The following WIPI2 variants were observed in gnomAD, a reference collection of about 807,000 sequenced individuals.
WIPI2 encodes WD repeat domain phosphoinositide-interacting protein 2.
Under a neutral mutation model 52.3 loss-of-function variants are expected in WIPI2, and 28 were observed. The ratio of observed to expected loss-of-function variants is 0.54; its 90% CI spans 0.40 to 0.73. The LOEUF is 0.73. Among genes scored for constraint, WIPI2 ranks in the 30% least tolerant of loss-of-function variants. The pLI, the probability that WIPI2 is intolerant of heterozygous loss-of-function variation, is 0.00. For missense variants in WIPI2, 506 were observed against 602.9 expected (o/e 0.84, Z 1.68); for synonymous variants, 268 against 245.0 (o/e 1.09, Z -0.88).
At position 5,231,354 on chromosome 7, in the gene WIPI2, G is replaced by C. The variant is rs545989670; in HGVS notation, c.*407G>C. 6.3e-6 allele frequency: 1 copy of C among 158,864 alleles called. No individual in the cohort carries two copies. Among genetic ancestry groups the C allele is most frequent in the African/African-American group, 2.4e-5 (1 of 41,546 alleles). The allele number at this position is 158,864 out of a possible 1,614,324, so 9.8% of individuals were successfully genotyped here. On this transcript the variant is annotated 3_prime_UTR_variant, in exon 13 of 13. Coordinates refer to ENST00000288828, the MANE Select transcript of WIPI2 (RefSeq NM_015610.4). Reference sequence around the variant, plus strand: ...GAGTGCGTAAGGAAACCGTGGCGTCGCGCACAGTGGGTCTGCTTGTCAAGG... The same window carrying C: ...GAGTGCGTAAGGAAACCGTGGCGTCCCGCACAGTGGGTCTGCTTGTCAAGG...
intron 1 of WIPI2, among the ~76,000 whole-genome samples, chr7:5,191,274 A>T (rs1781471243): frequency 6.6e-6 from 1 of 152,098 alleles, no homozygotes; most frequent in Non-Finnish European, 1.5e-5. Flanking sequence ...CGCCCACCTC[A>T]GCCTCCCAAA....
chr7:5,216,594 A>G lies in WIPI2; in HGVS notation c.413A>G (p.Tyr138Cys). 6.2e-7 allele frequency: 1 copy of G among 1,614,222 alleles called. No individual in the cohort carries two copies. Among genetic ancestry groups the G allele is most frequent in the Non-Finnish European group, 8.5e-7 (1 of 1,180,040 alleles). The change falls in exon 5 of 13, where the codon TAC becomes TGC. Residue 138 changes from tyrosine (Y) to cysteine (C), a missense_variant. Transcript: ENST00000288828. ...ATAGTATGCCTGGAGGAGTCCCTGT[A>G]CATCCACAACATTCGGGACATGAAG... Reference protein sequence around the residue: ...RLIVCLEESLYIHNIRDMKVL... With the variant: ...RLIVCLEESLCIHNIRDMKVL...
rs71843712 is a variant in WIPI2, at chr7:5,196,791, CAA to C, written c.129-2784_129-2783del. On this transcript the variant is annotated intron_variant, in intron 2 of 12. Coordinates refer to ENST00000288828, the MANE Select transcript of WIPI2 (RefSeq NM_015610.4). ...GGAAAAGTGACAACTGTCGGCAAAACAAGAGATGGAAAAATATTTTTATAAAC... is the reference window on the plus strand; with the variant it reads ...GGAAAAGTGACAACTGTCGGCAAAACGAGATGGAAAAATATTTTTATAAAC... Among the ~76,000 whole-genome samples the C allele has an allele frequency of 3.6e-3, 541 of 152,084 alleles. 6 individuals are homozygous for C. Among genetic ancestry groups the C allele is most frequent in the African/African-American group, 0.012 (487 of 41,490 alleles).
At chr7:5,202,796 C>T (rs1332553950) in intron 3 of WIPI2, among the ~76,000 whole-genome samples, 1 of 152,168 alleles carries the variant, frequency 6.6e-6, no homozygotes, top group Non-Finnish European at 1.5e-5. Flanking sequence ...TTTGAATATA[C>T]ATAATGCACA....
intron 8 of WIPI2, among the ~76,000 whole-genome samples, chr7:5,223,884 C>A (rs1033836488): frequency 1.3e-5 from 2 of 152,230 alleles, no homozygotes; most frequent in African/African-American, 4.8e-5. Flanking sequence ...AGGGAGCTCC[C>A]ACCTGTGGGC....
intron 3 of WIPI2, among the ~76,000 whole-genome samples, chr7:5,213,614 C>T (rs568519837): frequency 3.7e-4 from 56 of 152,310 alleles, no homozygotes; most frequent in African/African-American, 1.2e-3. Context: ...GTAGGCCTAC[C>T]ATCTAGATTT....
chr7:5,219,194 G>A lies in WIPI2; in HGVS notation c.669+1180G>A, dbSNP rs187306091. Among the ~76,000 whole-genome samples, 213 of 152,206 alleles carry A rather than the reference G, an allele frequency of 1.4e-3. No homozygotes were observed. In the Middle Eastern group the frequency reaches 0.017, roughly 12 times the overall value. On this transcript the variant is annotated intron_variant, in intron 7 of 12. Transcript: ENST00000288828. Reference sequence around the variant, plus strand: ...AAGGTAAACAGTTCTCTGTTTCATAGCAAGGGCTCAGAAAGGTTAAGCGGT... The same window carrying A: ...AAGGTAAACAGTTCTCTGTTTCATAACAAGGGCTCAGAAAGGTTAAGCGGT...
At chr7:5,228,341 A>G (rs1316060649) in intron 11 of WIPI2, 130 bp downstream of exon 11, 1 of 860,826 alleles carries the variant, frequency 1.2e-6, no homozygotes, top group Non-Finnish European at 1.7e-6. Flanking sequence ...ACAGCGGCCC[A>G]TGCCGCGCAG....
chr7:5,205,520 A>G (rs1046349012), intron 3 of WIPI2, among the ~76,000 whole-genome samples: 32 of 152,092 alleles, frequency 2.1e-4, no homozygotes, highest in Non-Finnish European at 1.5e-5. Flanking sequence ...TGGCCGTCAC[A>G]CTTAGTTTCT....
intron 4 of WIPI2, among the ~76,000 whole-genome samples, chr7:5,215,083 G>A (rs937946153): frequency 6.6e-6 from 1 of 152,214 alleles, no homozygotes; most frequent in African/African-American, 2.4e-5. Context: ...GGCCGAGGCG[G>A]GCAGATTGCC....
intron 12 of WIPI2, among the ~76,000 whole-genome samples, 191 bp downstream of exon 12, chr7:5,229,929 C>CTTTTTTT (rs548650698): frequency 7.3e-6 from 1 of 137,900 alleles, no homozygotes. Flanking sequence ...GTTTCGTTTC[C>CTTTTTTT]TTTTTTTTTT....
chr7:5,211,159 T>C (rs542907117), intron 3 of WIPI2, among the ~76,000 whole-genome samples: 15 of 152,188 alleles, frequency 9.9e-5, no homozygotes, highest in Non-Finnish European at 2.1e-4. Context: ...GCCAGGAACA[T>C]GTGCATCATG....
At chr7:5,201,193 A>G (rs371410948) in intron 3 of WIPI2, among the ~76,000 whole-genome samples, 24 of 152,320 alleles carry the variant, frequency 1.6e-4, no homozygotes, top group African/African-American at 5.1e-4. Context: ...GCTTTTACGA[A>G]TGACTGAAAC....
chr7:5,222,335 TGA>T (rs1459435428), intron 7 of WIPI2, among the ~76,000 whole-genome samples: 1 of 152,222 alleles, frequency 6.6e-6, no homozygotes, highest in Non-Finnish European at 1.5e-5. Flanking sequence ...CTGTTAGTGT[TGA>T]GAGTAAGTAG....
Position 5,232,374 on chromosome 7 carries a change from G to A in WIPI2, c.*1427G>A, listed in dbSNP as rs570029341. 3.8e-5 allele frequency: 15 copies of A among 398,492 alleles called. No individual in the cohort carries two copies. The South Asian group carries it at 5.2e-4, about 14-fold the overall frequency. 24.7% of individuals were successfully genotyped at this position (398,492 alleles called of 1,614,324 possible). On this transcript the variant is annotated 3_prime_UTR_variant, in exon 13 of 13. Coordinates refer to ENST00000288828, the MANE Select transcript of WIPI2 (RefSeq NM_015610.4). Reference sequence around the variant, plus strand: ...CCCAGTGTTCCTGGGTTGGCTTTACGGCAAACTAAATGCAGGGGACGCTGG... The same window carrying A: ...CCCAGTGTTCCTGGGTTGGCTTTACAGCAAACTAAATGCAGGGGACGCTGG...
At position 5,190,305 on chromosome 7, in the gene WIPI2, G is replaced by A; in HGVS notation, c.-115G>A. ...TGAGGCGGCGGTTGATCCCAGGGTG[G>A]CGAGTGGCGGCGACCGAGGCGGCGA... On this transcript the variant is annotated 5_prime_UTR_variant, in exon 1 of 13. The change creates a premature stop within an existing upstream ORF in the 5' untranslated region. Transcript: ENST00000288828. The A allele has an allele frequency of 1.7e-6, 1 of 583,352 alleles. No homozygotes were observed. The highest frequency in any genetic ancestry group is 2.4e-6 in the Non-Finnish European group (1 of 408,400). The allele number at this position is 583,352 out of a possible 1,614,324, so 36.1% of individuals were successfully genotyped here. A position where few individuals can be genotyped will look rare whatever the true frequency, so the allele number is the denominator to read the frequency against.
At chr7:5,192,667 G>A (rs1437241685) in intron 1 of WIPI2, among the ~76,000 whole-genome samples, 3 of 152,334 alleles carry the variant, frequency 2.0e-5, no homozygotes, top group East Asian at 3.9e-4. Context: ...GGAATGAATA[G>A]TAAGCTAGGA....
chr7:5,204,803 G>A lies in WIPI2; in HGVS notation c.211+5145G>A, dbSNP rs1361517474. Among the ~76,000 whole-genome samples the A allele has an allele frequency of 2.0e-5, 3 of 151,956 alleles. No homozygotes were observed. The East Asian group carries it at 5.8e-4, about 29-fold the overall frequency. On this transcript the variant is annotated intron_variant, in intron 3 of 12. Transcript: ENST00000288828. ...GGCTCAAGTGATCCTCCCCCTTCTT[G>A]CATAGCTGGGACTGACTACAGGTGC...
At chr7:5,211,611 A>T (rs924371972) in intron 3 of WIPI2, among the ~76,000 whole-genome samples, 2 of 152,230 alleles carry the variant, frequency 1.3e-5, no homozygotes, top group Non-Finnish European at 2.9e-5. Flanking sequence ...GAGCAGCCCT[A>T]TTTGGAAGTA....
Sources: gnomAD v4.1 joint callset for allele counts (sites outside exome capture counted in the v4.1 genomes callset) on GRCh38, gnomAD v4.1.1 for gene constraint, MANE v1.5 for transcripts, NCBI Gene and HGNC (gene_info 2026-07-23, HGNC 2026-07-21) for gene names.